UGT1A4: variants seen among roughly 807,000 people sequenced by gnomAD.
The protein encoded by UGT1A4 is UDP glucuronosyltransferase family 1 member A4.
In UGT1A4, 32 loss-of-function variants were observed where a neutral mutation model predicts 41.1. That is an observed-to-expected ratio of 0.78 (90% confidence interval 0.59 to 1.05). The LOEUF is 1.05. Among genes scored for constraint, UGT1A4 ranks in the 50% least tolerant of loss-of-function variants. UGT1A4 has a pLI of 0.00. For synonymous variants in UGT1A4, 283 were observed against 265.1 expected, an observed-to-expected ratio of 1.07 and a Z score of -0.66; for missense variants, 748 against 677.4, an observed-to-expected ratio of 1.10 and a Z score of -1.16.
At position 233,769,882 on chromosome 2, in the gene UGT1A4, TC is replaced by T; in HGVS notation, c.1307+1445del. On this transcript the variant is annotated intron_variant, in intron 4 of 4. Transcript: ENST00000373409. This position sits in a 1 kb window ranked among gnomAD's most constrained non-coding sequence, Gnocchi z 4.4. The stretch of plus-strand genomic sequence containing the variant: ...CAAAAAAAAAAAAAAAAATGAAAAG[TC>T]CACATAACCTGAGCATCATGTGCCC... 1 of 408,610 alleles carries T rather than the reference TC, an allele frequency of 2.4e-6. No homozygotes were observed. Among genetic ancestry groups the T allele is most frequent in the Non-Finnish European group, 4.3e-6 (1 of 234,370 alleles). 25.3% of individuals were successfully genotyped at this position (408,610 alleles called of 1,614,324 possible).
rs193246215 is a variant in UGT1A4, at chr2:233,754,852, G to A, written c.868-12182G>A. On this transcript the variant is annotated intron_variant, in intron 1 of 4. Coordinates refer to ENST00000373409, the MANE Select transcript of UGT1A4 (RefSeq NM_007120.3). ...GGAAATTCACTGAAGGCAGAGAAAAGGGGTGCAGACCCTCTGCTTCTGCTT... is the reference window on the plus strand; with the variant it reads ...GGAAATTCACTGAAGGCAGAGAAAAAGGGTGCAGACCCTCTGCTTCTGCTT... 19 of 1,345,310 alleles carry A rather than the reference G, an allele frequency of 1.4e-5. No individual in the cohort carries two copies. The Middle Eastern group carries it at 6.3e-4, about 45-fold the overall frequency. The allele number at this position is 1,345,310 out of a possible 1,614,324, so 83.3% of individuals were successfully genotyped here. A position where few individuals can be genotyped will look rare whatever the true frequency, so the allele number is the denominator to read the frequency against.
At chr2:233,764,417 G>A (rs986717948) in intron 1 of UGT1A4, among the ~76,000 whole-genome samples, 1 of 152,168 alleles carries the variant, frequency 6.6e-6, no homozygotes, top group African/African-American at 2.4e-5. Context: ...TTTGCCCTGC[G>A]TGAATCTCCA....
chr2:233,743,699 G>A (rs780880081), intron 1 of UGT1A4: 5 of 1,367,152 alleles, frequency 3.7e-6, no homozygotes, highest in African/African-American at 3.0e-5. Context: ...GCCGCCCTCC[G>A]CCCCCGCCTC....
chr2:233,755,338 G>C (rs569505432), intron 1 of UGT1A4: 1 of 431,822 alleles, frequency 2.3e-6, no homozygotes, highest in East Asian at 7.3e-5. Flanking sequence ...CCCGCGCACA[G>C]GTCAGAGGCT....
chr2:233,747,574 CT>C, intron 1 of UGT1A4: 1 of 1,587,022 alleles, frequency 6.3e-7, no homozygotes, highest in Non-Finnish European at 8.7e-7. Flanking sequence ...AAAAATTCAT[CT>C]TTGGTCTTTC....
intron 1 of UGT1A4, among the ~76,000 whole-genome samples, chr2:233,763,057 G>T (rs920282385): frequency 6.6e-6 from 1 of 152,282 alleles, no homozygotes; most frequent in South Asian, 2.1e-4. Context: ...TATTGATTTA[G>T]ATAATTTCCT....
intron 1 of UGT1A4, among the ~76,000 whole-genome samples, chr2:233,727,388 C>T (rs1479838653): frequency 6.6e-6 from 1 of 152,174 alleles, no homozygotes; most frequent in Admixed American, 6.5e-5. Flanking sequence ...GTACCACCGT[C>T]TTCCAAGATA....
At chr2:233,719,723 G>T (rs2076800151) in intron 1 of UGT1A4, 36 bp downstream of exon 1, 9 of 1,613,628 alleles carry the variant, frequency 5.6e-6, no homozygotes, top group Non-Finnish European at 6.8e-6. Flanking sequence ...CAATGTTCCA[G>T]GCAAAACACT....
intron 2 of UGT1A4, among the ~76,000 whole-genome samples, chr2:233,767,483 G>A (rs1215340946): frequency 1.3e-5 from 2 of 152,158 alleles, no homozygotes; most frequent in Admixed American, 6.5e-5. Context: ...TTAAATAGAA[G>A]TATTTCTCCA....
chr2:233,768,088 A>G, intron 3 of UGT1A4, 132 bp from the exon 4 acceptor site: 2 of 1,591,352 alleles, frequency 1.3e-6, no homozygotes, highest in Non-Finnish European at 1.7e-6. Flanking sequence ...CTCAACCCAC[A>G]TTTTCTTCTG....
chr2:233,760,868 C>T (rs1697593103), intron 1 of UGT1A4: 1 of 1,614,100 alleles, frequency 6.2e-7, no homozygotes, highest in East Asian at 2.2e-5. Flanking sequence ...TCCTACGTGC[C>T]CAGGCCTCTC....
intron 1 of UGT1A4, chr2:233,730,017 A>G (rs1485743576): frequency 6.2e-7 from 1 of 1,613,756 alleles, no homozygotes; most frequent in South Asian, 1.1e-5. Flanking sequence ...CCTTCATCCA[A>G]TCAATGTTCC....
chr2:233,770,096 C>T (rs1250263322), intron 4 of UGT1A4: 2 of 152,608 alleles, frequency 1.3e-5, no homozygotes, highest in African/African-American at 4.8e-5. Flanking sequence ...GTATAGATAA[C>T]TACTTGTAAC....
intron 4 of UGT1A4, chr2:233,770,452 G>C (rs1050174931): frequency 6.6e-6 from 1 of 152,078 alleles, no homozygotes; most frequent in African/African-American, 2.4e-5. Context: ...TTAGGAGTTC[G>C]AAACCAACCT....
intron 1 of UGT1A4, chr2:233,743,237 G>A: frequency 2.4e-6 from 1 of 420,010 alleles, no homozygotes; most frequent in Non-Finnish European, 4.6e-6. Context: ...TATTATGAAG[G>A]ACTTTAACTC....
At chr2:233,747,651 G>C in intron 1 of UGT1A4, 1 of 1,588,730 alleles carries the variant, frequency 6.3e-7, no homozygotes, top group Non-Finnish European at 8.6e-7. Flanking sequence ...TACTTCCTTC[G>C]ATGTGGTTTT....
rs762109713 is a variant in UGT1A4, at chr2:233,760,481, C to T, written c.868-6553C>T. On this transcript the variant is annotated intron_variant, in intron 1 of 4. Coordinates refer to ENST00000373409, the MANE Select transcript of UGT1A4 (RefSeq NM_007120.3). ...ATAGTTGTCCTAGCACCTGACGCCT[C>T]GTTGTACATCAGAGACGGAGCATTT... 4.0e-5 allele frequency: 65 copies of T among 1,614,070 alleles called. No individual in the cohort carries two copies. The highest frequency in any genetic ancestry group is 5.3e-5 in the African/African-American group (4 of 74,932).
chr2:233,744,366 G>A (rs1692789065), intron 1 of UGT1A4, among the ~76,000 whole-genome samples: 1 of 151,836 alleles, frequency 6.6e-6, no homozygotes, highest in South Asian at 2.1e-4. Context: ...TGTTGTTTAG[G>A]ACTGCAGTTC....
At chr2:233,720,348 T>C (rs1265455375) in intron 1 of UGT1A4, among the ~76,000 whole-genome samples, 1 of 152,042 alleles carries the variant, frequency 6.6e-6, no homozygotes, top group African/African-American at 2.4e-5. Flanking sequence ...GGTATGGTGA[T>C]GGTTGCATGT....
Sources: allele counts gnomAD v4.1 joint callset (sites outside exome capture counted in the v4.1 genomes callset), GRCh38; gene constraint gnomAD v4.1.1; non-coding constraint Gnocchi (gnomAD v3.1); transcripts MANE v1.5; gene names NCBI Gene and HGNC (gene_info 2026-07-23, HGNC 2026-07-21).